RFTN1: variants seen among roughly 807,000 people sequenced by gnomAD.
The protein encoded by RFTN1 is raftlin, lipid raft linker 1, also known as raftlin.
In RFTN1, 26 loss-of-function variants were observed where a neutral mutation model predicts 46.5. That is an observed-to-expected ratio of 0.56 (90% confidence interval 0.41 to 0.78). The LOEUF is 0.78. Ranked by LOEUF, RFTN1 falls within the 30% of genes least tolerant of loss-of-function variation. The probability of loss-of-function intolerance (pLI) is 0.00; values close to 1 mark genes in which losing one functional copy is unlikely to be tolerated. For missense variants in RFTN1, 693 were observed against 718.7 expected, an observed-to-expected ratio of 0.96 and a Z score of 0.41; for synonymous variants, 261 against 284.2, an observed-to-expected ratio of 0.92 and a Z score of 0.82.
Position 16,479,371 on chromosome 3 carries a change from A to G in RFTN1, c.145+14354T>C, listed in dbSNP as rs1323086954. ...CCACAATAAGAAACTACTTATAGAC[A>G]TGAGAGTAAGTTTTTGTTTTCATTT... On this transcript the variant is annotated intron_variant, in intron 2 of 9. Coordinates refer to ENST00000334133, the MANE Select transcript of RFTN1 (RefSeq NM_015150.2). This position sits in a 1 kb window ranked among gnomAD's most constrained non-coding sequence, Gnocchi z 5.1. 6.6e-6 allele frequency among the ~76,000 whole-genome samples: 1 copy of G among 152,252 alleles called. No individual in the cohort carries two copies. Among genetic ancestry groups the G allele is most frequent in the African/African-American group, 2.4e-5 (1 of 41,470 alleles).
At position 16,351,875 on chromosome 3, in the gene RFTN1, A is replaced by G. The variant is rs1189316336; in HGVS notation, c.1146+6057T>C. Among the ~76,000 whole-genome samples, 2 of 151,554 alleles carry G rather than the reference A, an allele frequency of 1.3e-5. No homozygotes were observed. The highest frequency in any genetic ancestry group is 2.4e-5 in the African/African-American group (1 of 40,852). On this transcript the variant is annotated intron_variant, in intron 7 of 9. Coordinates refer to ENST00000334133, the MANE Select transcript of RFTN1 (RefSeq NM_015150.2). The surrounding 1 kb of genome is among the most constrained non-coding windows in gnomAD (Gnocchi z 5.4). ...GGTGTGTTGGGTGAGGGGACTAGAA[A>G]GACTAGAAAAAAAAATCATGAAAAC...
chr3:16,366,937 T>C (rs978107937), intron 6 of RFTN1, among the ~76,000 whole-genome samples: 2 of 152,206 alleles, frequency 1.3e-5, no homozygotes. Context: ...AGAGGAGTCC[T>C]GGACACCATG....
chr3:16,364,474 C>T (rs11916780), intron 6 of RFTN1, among the ~76,000 whole-genome samples: 15,754 of 152,022 alleles, frequency 0.1, 973 homozygotes, highest in African/African-American at 0.17. Context: ...TTTGAGGCAC[C>T]GGGGGTAGGT....
rs368957285 is a variant in RFTN1, at chr3:16,341,984, C to T, written c.1147-15108G>A. Reference sequence around the variant, plus strand: ...GGTTTACTTTGCTTTCTTTTCTTGACCTGTATTTTCTAAATTATCTTTAAT... The same window carrying T: ...GGTTTACTTTGCTTTCTTTTCTTGATCTGTATTTTCTAAATTATCTTTAAT... On this transcript the variant is annotated intron_variant, in intron 7 of 9. Transcript: ENST00000334133. The surrounding 1 kb of genome is among the most constrained non-coding windows in gnomAD (Gnocchi z 4.7). Among the ~76,000 whole-genome samples the T allele has an allele frequency of 6.6e-6, 1 of 152,106 alleles. No individual in the cohort carries two copies. Among genetic ancestry groups the T allele is most frequent in the African/African-American group, 2.4e-5 (1 of 41,394 alleles).
chr3:16,491,428 G>C (rs932809732), intron 2 of RFTN1, among the ~76,000 whole-genome samples: 1 of 152,344 alleles, frequency 6.6e-6, no homozygotes, highest in East Asian at 1.9e-4. Flanking sequence ...GGATCTGTAG[G>C]AGGACGAGGG....
intron 6 of RFTN1, among the ~76,000 whole-genome samples, chr3:16,367,928 GA>G (rs1464139231): frequency 2.2e-5 from 3 of 138,704 alleles, no homozygotes; most frequent in Non-Finnish European, 4.7e-5. Flanking sequence ...GTTTTCCTAA[GA>G]GGGGAAGAAA....
In RFTN1 at chr3:16,407,792, C is replaced by T. The variant is rs2074895298; in HGVS notation, c.441+1583G>A. ...GTATGTGAACAAAAGCTACTTCCCC[C>T]CTCCCCCATTTCTTAAATAATAATC... On this transcript the variant is annotated intron_variant, in intron 4 of 9. Transcript: ENST00000334133. The surrounding 1 kb of genome is among the most constrained non-coding windows in gnomAD (Gnocchi z 4.0). Among the ~76,000 whole-genome samples the T allele has an allele frequency of 6.6e-6, 1 of 152,110 alleles. No individual in the cohort carries two copies. The highest frequency in any genetic ancestry group is 1.5e-5 in the Non-Finnish European group (1 of 68,022).
rs1231372572 is a variant in RFTN1, at chr3:16,460,787, T to C, written c.146-26750A>G. Reference sequence around the variant, plus strand: ...CCATAGAGAATATTTTAGAGCTAGATGGTTCCAGAAAATCTGAGACATGTG... The same window carrying C: ...CCATAGAGAATATTTTAGAGCTAGACGGTTCCAGAAAATCTGAGACATGTG... On this transcript the variant is annotated intron_variant, in intron 2 of 9. Coordinates refer to ENST00000334133, the MANE Select transcript of RFTN1 (RefSeq NM_015150.2). The surrounding 1 kb of genome is among the most constrained non-coding windows in gnomAD (Gnocchi z 4.8). 2.0e-5 allele frequency among the ~76,000 whole-genome samples: 3 copies of C among 152,226 alleles called. No homozygotes were observed. The highest frequency in any genetic ancestry group is 6.5e-5 in the Admixed American group (1 of 15,280).
chr3:16,442,453 T>G lies in RFTN1; in HGVS notation c.146-8416A>C, dbSNP rs529104890. Among the ~76,000 whole-genome samples the G allele has an allele frequency of 4.6e-5, 7 of 152,356 alleles. No homozygotes were observed. The highest frequency in any genetic ancestry group is 1.7e-4 in the African/African-American group (7 of 41,578). Reference sequence around the variant, plus strand: ...AAACTATTCTTTTTTTAAATTTTAATGGATTTTTGTTGTGTATATTCAAGG... The same window carrying G: ...AAACTATTCTTTTTTTAAATTTTAAGGGATTTTTGTTGTGTATATTCAAGG... On this transcript the variant is annotated intron_variant, in intron 2 of 9. Transcript: ENST00000334133. This position sits in a 1 kb window ranked among gnomAD's most constrained non-coding sequence, Gnocchi z 4.1.
Position 16,497,463 on chromosome 3 carries a change from G to T in RFTN1, c.-8-3586C>A, listed in dbSNP as rs548515432. Reference sequence around the variant, plus strand: ...AAAGGACTCTTCTCTCTATCAGGCTGGTGGCAGCTTCTAATGGGTAGCGGC... The same window carrying T: ...AAAGGACTCTTCTCTCTATCAGGCTTGTGGCAGCTTCTAATGGGTAGCGGC... On this transcript the variant is annotated intron_variant, in intron 1 of 9. Coordinates refer to ENST00000334133, the MANE Select transcript of RFTN1 (RefSeq NM_015150.2). Among the ~76,000 whole-genome samples, 5 of 152,306 alleles carry T rather than the reference G, an allele frequency of 3.3e-5. No individual in the cohort carries two copies. The South Asian group carries it at 1.0e-3, about 32-fold the overall frequency.
chr3:16,482,032 G>C (rs1284310862), intron 2 of RFTN1, among the ~76,000 whole-genome samples: 2 of 152,046 alleles, frequency 1.3e-5, no homozygotes, highest in East Asian at 3.9e-4. Flanking sequence ...CCAGCACTAC[G>C]CTCCAGTGGG....
rs56034312 is a variant in RFTN1 at position 16,334,308 on chromosome 3, T to A, written c.1147-7432A>T. 0.19 allele frequency among the ~76,000 whole-genome samples: 28,564 copies of A among 152,134 alleles called. 2,791 individuals are homozygous for A. Among genetic ancestry groups the A allele is most frequent in the Middle Eastern group, 0.29 (84 of 294 alleles). On this transcript the variant is annotated intron_variant, in intron 7 of 9. Transcript: ENST00000334133. This position sits in a 1 kb window ranked among gnomAD's most constrained non-coding sequence, Gnocchi z 4.3. ...GGAAGCATGCGTTCTTGTACATTGC[T>A]AGTGGAAGGGCTCATTGATTCAACC...
chr3:16,496,765 G>C (rs1424699722), intron 1 of RFTN1, among the ~76,000 whole-genome samples: 1 of 152,114 alleles, frequency 6.6e-6, no homozygotes, highest in Non-Finnish European at 1.5e-5. Context: ...GGCATCGAAA[G>C]ACACGTATGA....
chr3:16,328,462 C>A (rs969687017), intron 7 of RFTN1, among the ~76,000 whole-genome samples: 7 of 152,254 alleles, frequency 4.6e-5, no homozygotes, highest in African/African-American at 1.4e-4. Context: ...CCTGCCCTGT[C>A]TCTTCAAATG....
chr3:16,510,699 T>C (rs2076883440), intron 1 of RFTN1, among the ~76,000 whole-genome samples: 1 of 152,202 alleles, frequency 6.6e-6, no homozygotes, highest in African/African-American at 2.4e-5. Flanking sequence ...TATAACCATG[T>C]TGGGAAAAGG....
At chr3:16,390,669 A>G (rs1004258220) in intron 4 of RFTN1, among the ~76,000 whole-genome samples, 1 of 152,238 alleles carries the variant, frequency 6.6e-6, no homozygotes, top group African/African-American at 2.4e-5. Context: ...AGAGTCAGAA[A>G]GGGTCACAGA....
intron 2 of RFTN1, among the ~76,000 whole-genome samples, chr3:16,464,405 C>A (rs1025933915): frequency 6.6e-6 from 1 of 152,152 alleles, no homozygotes; most frequent in Admixed American, 6.5e-5. Context: ...TTCAACACTT[C>A]CCAGATTTAA....
intron 5 of RFTN1, among the ~76,000 whole-genome samples, chr3:16,371,683 C>T (rs1359422575): frequency 6.6e-6 from 1 of 152,168 alleles, no homozygotes; most frequent in Non-Finnish European, 1.5e-5. Flanking sequence ...TCCAATAGAA[C>T]AATTAGGGAA....
At chr3:16,495,871 A>G (rs1290951558) in intron 1 of RFTN1, among the ~76,000 whole-genome samples, 3 of 152,228 alleles carry the variant, frequency 2.0e-5, no homozygotes, top group Non-Finnish European at 2.9e-5. Flanking sequence ...CCTTGGGAAC[A>G]ATCTTTATAA....
Sources: gnomAD v4.1 joint callset for allele counts (sites outside exome capture counted in the v4.1 genomes callset) on GRCh38, gnomAD v4.1.1 for gene constraint, Gnocchi (gnomAD v3.1) non-coding constraint, MANE v1.5 for transcripts, NCBI Gene and HGNC (gene_info 2026-07-23, HGNC 2026-07-21) for gene names.